XYLT1: variants seen among roughly 807,000 people sequenced by gnomAD.
XYLT1 encodes beta-D-xylosyltransferase 1.
A neutral mutation model predicts 91.3 loss-of-function variants in XYLT1; 36 were observed. The ratio of observed to expected loss-of-function variants is 0.39; its 90% CI spans 0.30 to 0.52. The LOEUF (loss-of-function observed/expected upper bound fraction) is 0.52. Among genes scored for constraint, XYLT1 ranks in the 20% least tolerant of loss-of-function variants. The pLI, the probability that XYLT1 is intolerant of heterozygous loss-of-function variation, is 0.68. For synonymous variants in XYLT1, 588 were observed against 532.0 expected, an observed-to-expected ratio of 1.11 and a Z score of -1.45; for missense variants, 1,242 against 1,284.5, an observed-to-expected ratio of 0.97 and a Z score of 0.51.
intron 2 of XYLT1, among the ~76,000 whole-genome samples, chr16:17,284,047 A>G (rs567456994): frequency 5.3e-5 from 8 of 152,190 alleles, no homozygotes; most frequent in Non-Finnish European, 1.2e-4. Flanking sequence ...TTCTGAGCTA[A>G]ACCTCAGCAT....
chr16:17,343,791 G>A (rs2035101006), intron 2 of XYLT1, among the ~76,000 whole-genome samples: 1 of 152,166 alleles, frequency 6.6e-6, no homozygotes, highest in Admixed American at 6.5e-5. Flanking sequence ...TAAATGAGAA[G>A]AGGAATCAAG....
At chr16:17,278,657 C>T (rs1057312566) in intron 2 of XYLT1, among the ~76,000 whole-genome samples, 6 of 152,200 alleles carry the variant, frequency 3.9e-5, no homozygotes, top group Non-Finnish European at 7.3e-5. Flanking sequence ...ATAACAGCAT[C>T]TACTGTTTAC....
intron 2 of XYLT1, among the ~76,000 whole-genome samples, chr16:17,313,611 A>T (rs1436289999): frequency 6.6e-6 from 1 of 151,988 alleles, no homozygotes; most frequent in Non-Finnish European, 1.5e-5. Context: ...AACAGCATTG[A>T]TGCTGCTATA....
intron 5 of XYLT1, among the ~76,000 whole-genome samples, chr16:17,183,899 T>G (rs1207623338): frequency 6.6e-6 from 1 of 152,072 alleles, no homozygotes; most frequent in Non-Finnish European, 1.5e-5. Context: ...GATCCTATAC[T>G]CAGTCAAATC....
At chr16:17,204,777 G>C (rs999222091) in intron 3 of XYLT1, among the ~76,000 whole-genome samples, 1 of 152,102 alleles carries the variant, frequency 6.6e-6, no homozygotes, top group Non-Finnish European at 1.5e-5. Flanking sequence ...TGTGATCCCA[G>C]AGCCCTGTCA....
rs34434695 is a variant in XYLT1 at position 17,429,932 on chromosome 16, A to ATT, written c.363+40500_363+40501dup. 4.7e-3 allele frequency among the ~76,000 whole-genome samples: 566 copies of ATT among 119,272 alleles called. 2 individuals carry two copies. Among genetic ancestry groups the ATT allele is most frequent in the Non-Finnish European group, 7.3e-3 (423 of 58,104 alleles). 78.2% of individuals were successfully genotyped at this position (119,272 alleles called of 152,430 possible). A position where few individuals can be genotyped will look rare whatever the true frequency, so the allele number is the denominator to read the frequency against. ...ATCATGGGAGCCAATTCCCATAATA[A>ATT]TTTTTTTTTTTTTTTTTTTTTTGAG... On this transcript the variant is annotated intron_variant, in intron 1 of 11. Coordinates refer to ENST00000261381, the MANE Select transcript of XYLT1 (RefSeq NM_022166.4).
intron 10 of XYLT1, among the ~76,000 whole-genome samples, chr16:17,126,730 C>A (rs1015880865): frequency 6.6e-6 from 1 of 152,186 alleles, no homozygotes; most frequent in Admixed American, 6.5e-5. Flanking sequence ...GTGAGGAAGG[C>A]AGAAACCAGG....
At chr16:17,123,483 G>T (rs1054746714) in intron 10 of XYLT1, among the ~76,000 whole-genome samples, 23 of 152,160 alleles carry the variant, frequency 1.5e-4, no homozygotes, top group Non-Finnish European at 2.9e-4. Context: ...GCATGAATTT[G>T]GGGGTTCCTT....
chr16:17,304,525 T>A (rs1567365415), intron 2 of XYLT1, among the ~76,000 whole-genome samples: 1 of 152,186 alleles, frequency 6.6e-6, no homozygotes, highest in Non-Finnish European at 1.5e-5. Context: ...TTGTAACATG[T>A]TTTATTTCAG....
At position 17,311,417 on chromosome 16, in the gene XYLT1, G is replaced by A. The variant is rs375889581; in HGVS notation, c.402+46595C>T. ...TTAAACTACAGATTGCTAGAGCCCT[G>A]CCTTCACCCCCAGTATGTGATTCCA... On this transcript the variant is annotated intron_variant, in intron 2 of 11. Transcript: ENST00000261381. 8.5e-5 allele frequency among the ~76,000 whole-genome samples: 13 copies of A among 152,312 alleles called. No individual in the cohort carries two copies. In the East Asian group the frequency reaches 1.5e-3, roughly 18 times the overall value.
At chr16:17,283,376 G>A (rs770743932) in intron 2 of XYLT1, among the ~76,000 whole-genome samples, 8 of 152,188 alleles carry the variant, frequency 5.3e-5, no homozygotes, top group Admixed American at 2.6e-4. Flanking sequence ...CTGGCCAGCC[G>A]TCTCTTCACA....
At chr16:17,254,204 C>T (rs1028901929) in intron 3 of XYLT1, among the ~76,000 whole-genome samples, 4 of 152,174 alleles carry the variant, frequency 2.6e-5, no homozygotes, top group Non-Finnish European at 4.4e-5. Flanking sequence ...GATTTTCTTC[C>T]CTCCTGCCAT....
At chr16:17,159,106 G>A (rs1467288773) in intron 5 of XYLT1, among the ~76,000 whole-genome samples, 197 bp from the exon 6 acceptor site, 1 of 152,046 alleles carries the variant, frequency 6.6e-6, no homozygotes, top group Non-Finnish European at 1.5e-5. Flanking sequence ...ATGTTAAAAT[G>A]GGCTGTTTGT....
chr16:17,120,277 C>A (rs1276962459), intron 10 of XYLT1, among the ~76,000 whole-genome samples: 1 of 151,896 alleles, frequency 6.6e-6, no homozygotes, highest in Non-Finnish European at 1.5e-5. Flanking sequence ...TTCTATTTTC[C>A]TGCTTACAAC....
chr16:17,268,017 G>A (rs1464020929), intron 2 of XYLT1, among the ~76,000 whole-genome samples: 2 of 152,168 alleles, frequency 1.3e-5, no homozygotes, highest in African/African-American at 4.8e-5. Flanking sequence ...GGAACTGTTG[G>A]GGGTCCCTGA....
intron 3 of XYLT1, among the ~76,000 whole-genome samples, chr16:17,243,038 C>A (rs2033372172): frequency 6.6e-6 from 1 of 152,202 alleles, no homozygotes; most frequent in Non-Finnish European, 1.5e-5. Flanking sequence ...TGTGTTGCCT[C>A]CACCTTTTGA....
chr16:17,302,997 T>C (rs937297897), intron 2 of XYLT1, among the ~76,000 whole-genome samples: 1 of 151,818 alleles, frequency 6.6e-6, no homozygotes, highest in Non-Finnish European at 1.5e-5. Context: ...GTTGGCAGTA[T>C]GGGTAGGGAA....
chr16:17,232,440 T>C (rs1039665000), intron 3 of XYLT1, among the ~76,000 whole-genome samples: 8 of 127,428 alleles, frequency 6.3e-5, no homozygotes, highest in Non-Finnish European at 1.3e-4. Flanking sequence ...TATATATATA[T>C]ATATATATAC....
chr16:17,468,258 T>TG (rs1490430185), intron 1 of XYLT1, among the ~76,000 whole-genome samples: 5 of 151,066 alleles, frequency 3.3e-5, no homozygotes, highest in Non-Finnish European at 4.4e-5. Context: ...GGAGTAGGTG[T>TG]GGGGGGAGAG....
Sources: allele counts gnomAD v4.1 joint callset (sites outside exome capture counted in the v4.1 genomes callset), GRCh38; gene constraint gnomAD v4.1.1; transcripts MANE v1.5; gene names NCBI Gene and HGNC (gene_info 2026-07-23, HGNC 2026-07-21).